The following ARHGAP27 variants were observed in gnomAD, a reference collection of about 807,000 sequenced individuals.
The protein encoded by ARHGAP27 is Rho GTPase activating protein 27, also known as rho GTPase-activating protein 27.
ARHGAP27 carries 53 observed loss-of-function variants against 102.0 expected under a neutral mutation model. The ratio of observed to expected loss-of-function variants is 0.52; its 90% confidence interval spans 0.42 to 0.65. The LOEUF is 0.65. Among genes scored for constraint, ARHGAP27 ranks in the 30% least tolerant of loss-of-function variants. The pLI is 0.00. For missense variants in ARHGAP27, 1,117 were observed against 1,256.2 expected, an observed-to-expected ratio of 0.89 and a Z score of 1.68; for synonymous variants, 525 against 542.8, an observed-to-expected ratio of 0.97 and a Z score of 0.46.
intron 11 of ARHGAP27, among the ~76,000 whole-genome samples, chr17:45,403,416 C>T (rs1439514621): frequency 4.6e-5 from 7 of 152,250 alleles, no homozygotes; most frequent in Non-Finnish European, 8.8e-5. Context: ...AAAAATTAGC[C>T]GCACATGGTG....
chr17:45,411,067 A>G (rs2047856336), intron 4 of ARHGAP27, among the ~76,000 whole-genome samples: 6 of 152,096 alleles, frequency 3.9e-5, no homozygotes, highest in African/African-American at 1.4e-4. Context: ...ACATACGTGT[A>G]CAAGTATGCC....
rs2049764171 is a variant in ARHGAP27 at position 45,427,808 on chromosome 17, A to G, written c.657+1815T>C. 6.6e-6 allele frequency among the ~76,000 whole-genome samples: 1 copy of G among 152,130 alleles called. No individual in the cohort carries two copies. Among genetic ancestry groups the G allele is most frequent in the Admixed American group, 6.5e-5 (1 of 15,282 alleles). ...CCCCCTGGGTAAGTCCCCTACCCCTATCATCGGTGCCCCTCCCTCCATATG... is the reference window on the plus strand; with the variant it reads ...CCCCCTGGGTAAGTCCCCTACCCCTGTCATCGGTGCCCCTCCCTCCATATG... On this transcript the variant is annotated intron_variant, in intron 4 of 19. Coordinates refer to ENST00000685559, the MANE Select transcript of ARHGAP27 (RefSeq NM_001282290.2). The surrounding 1 kb of genome is among the most constrained non-coding windows in gnomAD (Gnocchi z 4.5).
Position 45,395,301 on chromosome 17 carries a change from C to T in ARHGAP27, c.*155G>A. ...ATTTTGCAAACTGCCCACTAGGGGT[C>T]ACCGTACCCTCAGAACCGAGGGTGC... On this transcript the variant is annotated 3_prime_UTR_variant, in exon 20 of 20. Transcript: ENST00000685559. The T allele has an allele frequency of 1.1e-6, 1 of 948,310 alleles. No individual in the cohort carries two copies. Among genetic ancestry groups the T allele is most frequent in the Non-Finnish European group, 1.5e-6 (1 of 656,874 alleles). 58.7% of individuals were successfully genotyped at this position (948,310 alleles called of 1,614,324 possible).
In ARHGAP27 at chr17:45,406,070, G is replaced by T; in HGVS notation, c.671C>A (p.Pro224Gln). The T allele has an allele frequency of 6.6e-7, 1 of 1,521,418 alleles. No individual in the cohort carries two copies. Among genetic ancestry groups the T allele is most frequent in the Non-Finnish European group, 8.8e-7 (1 of 1,137,506 alleles). The allele number at this position is 1,521,418 out of a possible 1,614,324, so 94.2% of individuals were successfully genotyped here. A position where few individuals can be genotyped will look rare whatever the true frequency, so the allele number is the denominator to read the frequency against. Reference sequence around the variant, plus strand: ...CTCTATGTTCGCGTACACGGGCTCCGGTGGGTCGTCCACCTGCGGGAGGAG... The same window carrying T: ...CTCTATGTTCGCGTACACGGGCTCCTGTGGGTCGTCCACCTGCGGGAGGAG... ...EESAEQVDDP[P>Q]EPVYANIERQ... Residue 224 changes from proline (P) to glutamine (Q), a missense_variant, in exon 5 of 20, where the codon CCG becomes CAG. Transcript: ENST00000685559.
chr17:45,403,626 C>T lies in ARHGAP27; in HGVS notation c.1631G>A (p.Gly544Asp), dbSNP rs1597788510. 2 of 1,613,756 alleles carry T rather than the reference C, an allele frequency of 1.2e-6. No homozygotes were observed. Among genetic ancestry groups the T allele is most frequent in the East Asian group, 4.5e-5 (2 of 44,890 alleles). The change falls in exon 11 of 20, where the codon GGC (glycine) becomes GAC (aspartate). Residue 544 changes from glycine (G) to aspartate (D), a missense_variant. Gly to Asp is a moderately conservative substitution (Grantham distance 94). Around this residue, in one of 3 missense-constraint regions of ARHGAP27, gnomAD observed 493 missense variants for 505.5 expected, o/e 0.98. Transcript: ENST00000685559. ...CTGAGGGCCTGGCCTTACCAGGCCG[C>T]CTGCAGCCGAGGTCTTTGAGTCCTT... ...FFKDSKTSAA[G>D]GLRQPSKFST...
intron 12 of ARHGAP27, among the ~76,000 whole-genome samples, chr17:45,399,485 G>A (rs779265751): frequency 4.0e-5 from 6 of 151,754 alleles, no homozygotes; most frequent in Admixed American, 1.3e-4. Flanking sequence ...CCAGCTACTC[G>A]GGAGGCTGAG....
intron 4 of ARHGAP27, among the ~76,000 whole-genome samples, chr17:45,422,780 G>A (rs1162187498): frequency 2.0e-5 from 3 of 152,170 alleles, no homozygotes; most frequent in Admixed American, 1.3e-4. Context: ...TAGAGTAAAA[G>A]ACCCCTGCCC....
Position 45,406,077 on chromosome 17 carries a change from C to T in ARHGAP27, c.664G>A (p.Asp222Asn), listed in dbSNP as rs888050039. The T allele has an allele frequency of 4.0e-6, 6 of 1,514,138 alleles. No individual in the cohort carries two copies. The highest frequency in any genetic ancestry group is 3.4e-4 in the Middle Eastern group (2 of 5,912). 93.8% of individuals were successfully genotyped at this position (1,514,138 alleles called of 1,614,324 possible). Residue 222 changes from aspartate (D) to asparagine (N), a missense_variant, in exon 5 of 20, where the codon GAC becomes AAC. By Grantham distance (23) the Asp-to-Asn change is conservative. Transcript: ENST00000685559. Reference sequence around the variant, plus strand: ...TTCGCGTACACGGGCTCCGGTGGGTCGTCCACCTGCGGGAGGAGAAAGGAG... The same window carrying T: ...TTCGCGTACACGGGCTCCGGTGGGTTGTCCACCTGCGGGAGGAGAAAGGAG... ...PPEESAEQVDDPPEPVYANIE... is the reference protein window; with the variant it reads ...PPEESAEQVDNPPEPVYANIE...
intron 13 of ARHGAP27, 166 bp from the exon 14 acceptor site, chr17:45,397,190 G>A: frequency 7.0e-7 from 1 of 1,436,340 alleles, no homozygotes; most frequent in South Asian, 1.5e-5. Flanking sequence ...CTCCACCAGT[G>A]AGCCTGAGAA....
In ARHGAP27 at chr17:45,430,693, C is replaced by T. The variant is rs1334661022; in HGVS notation, c.-18-396G>A. Among the ~76,000 whole-genome samples the T allele has an allele frequency of 1.3e-5, 2 of 152,180 alleles. No individual in the cohort carries two copies. Among genetic ancestry groups the T allele is most frequent in the South Asian group, 2.1e-4 (1 of 4,830 alleles). On this transcript the variant is annotated intron_variant, in intron 3 of 19. Transcript: ENST00000685559. This position sits in a 1 kb window ranked among gnomAD's most constrained non-coding sequence, Gnocchi z 4.4. ...GACTGCGCCTTAGTTTTCCGTCAGT[C>T]AAGTAGGAAGAACACCCCATTTACT...
intron 5 of ARHGAP27, 79 bp from the exon 6 acceptor site, chr17:45,405,185 AC>A: frequency 6.9e-7 from 1 of 1,447,594 alleles, no homozygotes; most frequent in Non-Finnish European, 9.2e-7. Context: ...GACCAGGCCC[AC>A]CCCCTTGCCT....
chr17:45,429,395 C>T, intron 4 of ARHGAP27: 2 of 1,365,162 alleles, frequency 1.5e-6, no homozygotes, highest in East Asian at 3.0e-5. Flanking sequence ...TACGAAAAGC[C>T]TCTGGGCTTC....
chr17:45,422,645 G>T (rs1340183520), intron 4 of ARHGAP27, among the ~76,000 whole-genome samples: 1 of 152,090 alleles, frequency 6.6e-6, no homozygotes, highest in Non-Finnish European at 1.5e-5. Flanking sequence ...AAGAACGCTC[G>T]AAATCTGCAT....
chr17:45,401,338 C>T (rs2046413074), intron 12 of ARHGAP27, among the ~76,000 whole-genome samples: 1 of 152,154 alleles, frequency 6.6e-6, no homozygotes, highest in Non-Finnish European at 1.5e-5. Flanking sequence ...GACCTTGTCT[C>T]TAAAAACAGA....
At chr17:45,407,373 C>T (rs1329316370) in intron 4 of ARHGAP27, among the ~76,000 whole-genome samples, 1 of 151,896 alleles carries the variant, frequency 6.6e-6, no homozygotes, top group Non-Finnish European at 1.5e-5. Flanking sequence ...CCTGAGATTC[C>T]CCCCATCCCC....
chr17:45,396,244 C>T lies in ARHGAP27; in HGVS notation c.2214G>A (p.Leu738=). ...TATAGCGTAGCTTCTGGATGGTGGC[C>T]AGGTTTCCACTGATGCGGTACAGCC... The part of the protein sequence containing the change: ...IDGLYRISGN[L]ATIQKLRYKV... The change falls in exon 17 of 20, where the codon CTG becomes CTA. Residue 738 remains leucine (L), a synonymous_variant. Coordinates refer to ENST00000685559, the MANE Select transcript of ARHGAP27 (RefSeq NM_001282290.2). 9.3e-6 allele frequency: 15 copies of T among 1,613,568 alleles called. No individual in the cohort carries two copies. Among genetic ancestry groups the T allele is most frequent in the Non-Finnish European group, 1.3e-5 (15 of 1,179,762 alleles).
intron 5 of ARHGAP27, 115 bp downstream of exon 5, chr17:45,405,561 A>G: frequency 1.5e-6 from 2 of 1,342,222 alleles, no homozygotes; most frequent in Non-Finnish European, 2.0e-6. Context: ...TCTCAGAGGT[A>G]GCCCCGCCCA....
At chr17:45,404,418 C>T (rs761964619) in intron 8 of ARHGAP27, 27 bp downstream of exon 8, 11 of 1,613,660 alleles carry the variant, frequency 6.8e-6, no homozygotes, top group Non-Finnish European at 1.7e-6. Context: ...GGTGGTCCTG[C>T]CAGGACCTCA....
chr17:45,397,201 C>A, intron 13 of ARHGAP27, 177 bp from the exon 14 acceptor site: 1 of 1,434,170 alleles, frequency 7.0e-7, no homozygotes, highest in South Asian at 1.5e-5. Context: ...AGCCTGAGAA[C>A]ATTCACCTCC....
Sources: allele counts gnomAD v4.1 joint callset (sites outside exome capture counted in the v4.1 genomes callset), GRCh38; gene constraint gnomAD v4.1.1; regional missense constraint gnomAD v4.1.1; non-coding constraint Gnocchi (gnomAD v3.1); transcripts MANE v1.5; gene names NCBI Gene and HGNC (gene_info 2026-07-23, HGNC 2026-07-21).